The following PLS3 variants were observed in gnomAD, a reference collection of about 807,000 sequenced individuals.
The protein encoded by PLS3 is plastin 3.
A neutral mutation model predicts 46.5 loss-of-function variants in PLS3; 11 were observed. That is an observed-to-expected ratio of 0.24 (90% CI 0.15 to 0.39). The LOEUF (loss-of-function observed/expected upper bound fraction) is 0.39, where lower values mean the gene tolerates loss of function less well. Among genes scored for constraint, PLS3 ranks in the 10% least tolerant of loss-of-function variants. PLS3 has a pLI of 1.00. For missense variants in PLS3, 308 were observed against 461.8 expected, an observed-to-expected ratio of 0.67 and a Z score of 3.05; for synonymous variants, 167 against 162.2, an observed-to-expected ratio of 1.03 and a Z score of -0.22.
In PLS3 at chrX:115,636,886, T is replaced by C; in HGVS notation, c.799T>C (p.Leu267=). 1.7e-6 allele frequency: 2 copies of C among 1,206,841 alleles called. No homozygotes were observed. The highest frequency in any genetic ancestry group is 2.2e-6 in the Non-Finnish European group (2 of 891,994). Reference sequence around the variant, plus strand: ...TGAGACTTTGGAGGAACTTATGAAATTGTCTCCAGAAGAGCTTCTGCTTAG... The same window carrying C: ...TGAGACTTTGGAGGAACTTATGAAACTGTCTCCAGAAGAGCTTCTGCTTAG... ...DGETLEELMK[L]SPEELLLRWA... The change falls in exon 8 of 16, where the codon TTG becomes CTG. Residue 267 remains leucine, a synonymous_variant. Transcript: ENST00000355899.
intron 7 of PLS3, 60 bp downstream of exon 7, chrX:115,635,106 A>G: frequency 1.0e-6 from 1 of 993,504 alleles, no homozygotes; most frequent in Non-Finnish European, 1.4e-6. Flanking sequence ...AGTCATGCAG[A>G]CTTTCGTGCT....
intron 8 of PLS3, among the ~76,000 whole-genome samples, chrX:115,638,436 G>A (rs1310829208): frequency 9.1e-6 from 1 of 109,712 alleles, no homozygotes; most frequent in Non-Finnish European, 1.9e-5. Context: ...GTAGAGATGG[G>A]GTCTCACTGT....
intron 2 of PLS3, among the ~76,000 whole-genome samples, chrX:115,619,055 T>C (rs1325464656): frequency 8.9e-6 from 1 of 112,451 alleles, no homozygotes; most frequent in East Asian, 2.8e-4. Context: ...TATCACTCTG[T>C]ATCTGTATTT....
At chrX:115,569,178 G>A (rs1446558291) in intron 1 of PLS3, among the ~76,000 whole-genome samples, 1 of 111,762 alleles carries the variant, frequency 8.9e-6, no homozygotes, top group Non-Finnish European at 1.9e-5. Flanking sequence ...GATCTAGTTA[G>A]CAGGTGCAGA....
intron 8 of PLS3, 63 bp from the exon 9 acceptor site, chrX:115,640,345 G>C: frequency 3.9e-6 from 3 of 764,941 alleles, no homozygotes; most frequent in Non-Finnish European, 6.1e-6. Context: ...TCCAAACATG[G>C]GACAATAGGA....
intron 5 of PLS3, among the ~76,000 whole-genome samples, chrX:115,630,943 TAA>T (rs1179213008): frequency 5.2e-5 from 5 of 96,680 alleles, no homozygotes; most frequent in Non-Finnish European, 1.0e-4. Context: ...TATATATGTA[TAA>T]TATATATAAA....
intron 1 of PLS3, among the ~76,000 whole-genome samples, chrX:115,595,322 GAAAAC>G (rs1303975425): frequency 9.0e-6 from 1 of 111,615 alleles, no homozygotes; most frequent in Non-Finnish European, 1.9e-5. Context: ...TATTGGTACT[GAAAAC>G]AAAACAAAAC....
chrX:115,621,923 A>G, intron 2 of PLS3: 1 of 170,147 alleles, frequency 5.9e-6, no homozygotes, highest in South Asian at 1.7e-4. Context: ...TTGTAGGTTT[A>G]CGATCTATTA....
chrX:115,617,610 A>G lies in PLS3; in HGVS notation c.74-4636A>G, dbSNP rs144935139. The stretch of plus-strand genomic sequence containing the variant: ...TGTGCTACATATTGGGGTGGGAGAT[A>G]CAAAGATTTAAAAGAATCTTTATCG... On this transcript the variant is annotated intron_variant, in intron 2 of 15. Coordinates refer to ENST00000355899, the MANE Select transcript of PLS3 (RefSeq NM_005032.7). 6.3e-3 allele frequency among the ~76,000 whole-genome samples: 705 copies of G among 112,199 alleles called. 4 individuals carry two copies. The highest frequency in any genetic ancestry group is 0.022 in the African/African-American group (677 of 30,913).
intron 1 of PLS3, among the ~76,000 whole-genome samples, chrX:115,578,672 C>T (rs1204566064): frequency 1.1e-5 from 1 of 88,993 alleles, no homozygotes; most frequent in Admixed American, 1.4e-4. Context: ...TTGCAGTGAG[C>T]CGAGATCACG....
At chrX:115,575,838 A>T (rs1193256151) in intron 1 of PLS3, among the ~76,000 whole-genome samples, 5 of 111,840 alleles carry the variant, frequency 4.5e-5, no homozygotes, top group Non-Finnish European at 9.4e-5. Context: ...TAGTATTTAT[A>T]CTGGAATAAT....
At chrX:115,621,625 G>C (rs1182021071) in intron 2 of PLS3, among the ~76,000 whole-genome samples, 7 of 110,898 alleles carry the variant, frequency 6.3e-5, no homozygotes, top group African/African-American at 2.3e-4. Context: ...CATACTCTGA[G>C]AAACTTCAGT....
chrX:115,622,206 A>T (rs1569528218), intron 2 of PLS3, 40 bp from the exon 3 acceptor site: 1 of 1,127,126 alleles, frequency 8.9e-7, no homozygotes, highest in Non-Finnish European at 1.2e-6. Flanking sequence ...CTGTCTTTCA[A>T]TTTTTTTTCC....
In PLS3 at chrX:115,571,450, G is replaced by A. The variant is rs1449029682; in HGVS notation, c.-9+10190G>A. Among the ~76,000 whole-genome samples the A allele has an allele frequency of 2.1e-4, 23 of 109,330 alleles. 1 individual carries two copies. Among genetic ancestry groups the A allele is most frequent in the Admixed American group, 2.0e-4 (2 of 10,209 alleles). 94.9% of individuals were successfully genotyped at this position (109,330 alleles called of 115,157 possible). On this transcript the variant is annotated intron_variant, in intron 1 of 15. Transcript: ENST00000355899. ...CAAGAATCCCTCGAGTCTGGGAGGC[G>A]GAGGCTGCAGTGAGCCAAGATCGTG...
At chrX:115,570,087 C>T (rs1482363753) in intron 1 of PLS3, among the ~76,000 whole-genome samples, 1 of 110,960 alleles carries the variant, frequency 9.0e-6, no homozygotes, top group African/African-American at 3.3e-5. Flanking sequence ...TAGGCTCCTG[C>T]CACTGTGCCC....
intron 1 of PLS3, among the ~76,000 whole-genome samples, chrX:115,578,691 C>CAAA (rs373605509): frequency 4.5e-3 from 119 of 26,716 alleles, no homozygotes; most frequent in Middle Eastern, 0.02. Flanking sequence ...CGCCACTGCA[C>CAAA]AAAAAAAAAA....
At chrX:115,581,050 A>G (rs1556631773) in intron 1 of PLS3, among the ~76,000 whole-genome samples, 3 of 111,118 alleles carry the variant, frequency 2.7e-5, no homozygotes, top group Non-Finnish European at 5.7e-5. Flanking sequence ...GTTTCCTTTC[A>G]GCCATAACAT....
rs782378094 is a variant in PLS3 at position 115,615,675 on chromosome X, A to C, written c.73+5352A>C. 9.9e-5 allele frequency among the ~76,000 whole-genome samples: 11 copies of C among 110,931 alleles called. No homozygotes were observed. The East Asian group carries it at 1.4e-3, about 14-fold the overall frequency. On this transcript the variant is annotated intron_variant, in intron 2 of 15. Coordinates refer to ENST00000355899, the MANE Select transcript of PLS3 (RefSeq NM_005032.7). Reference sequence around the variant, plus strand: ...CATAATTTTCTTCTTTTAAAAAAAAACGCTTTGTCAATTTACTCAAATTTA... The same window carrying C: ...CATAATTTTCTTCTTTTAAAAAAAACCGCTTTGTCAATTTACTCAAATTTA...
chrX:115,601,006 G>C (rs1257488241), intron 1 of PLS3, among the ~76,000 whole-genome samples: 1 of 111,363 alleles, frequency 9.0e-6, no homozygotes, highest in Non-Finnish European at 1.9e-5. Flanking sequence ...TACTGATAGA[G>C]GAGAATCCAG....
Sources: allele counts gnomAD v4.1 joint callset (sites outside exome capture counted in the v4.1 genomes callset), GRCh38; gene constraint gnomAD v4.1.1; transcripts MANE v1.5; gene names NCBI Gene and HGNC (gene_info 2026-07-23, HGNC 2026-07-21).